CYP2C8: variants seen among roughly 807,000 people sequenced by gnomAD.
The protein encoded by CYP2C8 is cytochrome P450 family 2 subfamily C member 8.
CYP2C8 carries 51 observed loss-of-function variants against 41.3 expected under a neutral mutation model. The observed-to-expected ratio is 1.24, with a 90% CI of 0.99 to 1.56. The LOEUF (loss-of-function observed/expected upper bound fraction) is 1.56. Ranked by LOEUF, CYP2C8 falls within the 40% of genes most tolerant of loss-of-function variation. The pLI, the probability that CYP2C8 is intolerant of heterozygous loss-of-function variation, is 0.00. For synonymous variants in CYP2C8, 218 were observed against 205.8 expected (o/e 1.06, Z -0.51); for missense variants, 651 against 579.9 (o/e 1.12, Z -1.26).
At chr10:95,060,170 A>C in intron 4 of CYP2C8, among the ~76,000 whole-genome samples, 1 of 124,914 alleles carries the variant, frequency 8.0e-6, no homozygotes, top group Non-Finnish European at 1.7e-5. Flanking sequence ...GTTTTTTCCA[A>C]TTCTGTGAAG....
rs1416881603 is a variant in CYP2C8 at position 95,067,670 on chromosome 10, C to T, written c.190G>A (p.Val64Met). Residue 64 changes from valine to methionine, a missense_variant, in exon 2 of 9, where the codon GTG becomes ATG. Physicochemically the swap from Val to Met is conservative, Grantham distance 21. Transcript: ENST00000371270. ...TTCATGCCAAAATACACGGTGAACA[C>T]AGGACCATAGACTTTTGAGAACTGG... ...FTNFSKVYGP[V>M]FTVYFGMNPI... 6.2e-7 allele frequency: 1 copy of T among 1,614,148 alleles called. No homozygotes were observed. Among genetic ancestry groups the T allele is most frequent in the Middle Eastern group, 1.6e-4 (1 of 6,062 alleles).
At chr10:95,067,142 T>A in intron 3 of CYP2C8, 66 bp downstream of exon 3, 3 of 1,611,506 alleles carry the variant, frequency 1.9e-6, no homozygotes, top group East Asian at 2.2e-5. Context: ...CTGAAATGTT[T>A]CCAAGGACGT....
At chr10:95,049,428 T>C (rs952011084) in intron 5 of CYP2C8, among the ~76,000 whole-genome samples, 5 of 152,000 alleles carry the variant, frequency 3.3e-5, no homozygotes, top group South Asian at 4.1e-4. Flanking sequence ...GTTCAGAGAG[T>C]ATTTCTGAGT....
intron 5 of CYP2C8, among the ~76,000 whole-genome samples, chr10:95,049,955 T>C (rs2033185411): frequency 6.8e-6 from 1 of 147,836 alleles, no homozygotes. Flanking sequence ...CAGGTAAGAC[T>C]CAACACATTC....
chr10:95,061,477 C>T (rs984423530), intron 4 of CYP2C8, among the ~76,000 whole-genome samples: 31 of 152,232 alleles, frequency 2.0e-4, no homozygotes, highest in Admixed American at 3.9e-4. Flanking sequence ...TCTGTGGGAT[C>T]GGTTGTGATA....
intron 8 of CYP2C8, 42 bp from the exon 9 acceptor site, chr10:95,037,351 A>C (rs1447159199): frequency 6.4e-7 from 1 of 1,565,308 alleles, no homozygotes; most frequent in South Asian, 1.1e-5. Flanking sequence ...CCTTGTGTTT[A>C]ACTGTGACTG....
intron 5 of CYP2C8, among the ~76,000 whole-genome samples, chr10:95,050,699 T>C (rs1032594711): frequency 1.3e-4 from 20 of 152,198 alleles, no homozygotes; most frequent in African/African-American, 4.8e-4. Flanking sequence ...CAAGAACCAC[T>C]GCATTATTGG....
intron 1 of CYP2C8, among the ~76,000 whole-genome samples, 153 bp from the exon 2 acceptor site, chr10:95,067,844 G>T (rs1387270134): frequency 6.6e-6 from 1 of 152,154 alleles, no homozygotes; most frequent in African/African-American, 2.4e-5. Flanking sequence ...AAATGTGATG[G>T]TGATTGTTAT....
intron 1 of CYP2C8, chr10:95,068,434 C>A (rs1257166786): frequency 2.4e-6 from 1 of 415,784 alleles, no homozygotes; most frequent in East Asian, 7.2e-5. Context: ...TTACTTCTTT[C>A]TTTCATGCAC....
At chr10:95,058,075 C>A (rs1298803942) in intron 5 of CYP2C8, among the ~76,000 whole-genome samples, 2 of 152,024 alleles carry the variant, frequency 1.3e-5, no homozygotes, top group African/African-American at 4.8e-5. Flanking sequence ...TAATTGTTTC[C>A]ATTTGACTGC....
chr10:95,060,484 C>T (rs573994397), intron 4 of CYP2C8, among the ~76,000 whole-genome samples: 6 of 152,140 alleles, frequency 3.9e-5, no homozygotes, highest in Non-Finnish European at 8.8e-5. Flanking sequence ...GATTTTTGCA[C>T]ATTGATTTTG....
At chr10:95,037,388 C>G (rs939114328) in intron 8 of CYP2C8, 79 bp from the exon 9 acceptor site, 2 of 1,243,694 alleles carry the variant, frequency 1.6e-6, no homozygotes, top group Non-Finnish European at 2.3e-6. Flanking sequence ...GTGACTTGCA[C>G]AAACAGAATA....
intron 6 of CYP2C8, among the ~76,000 whole-genome samples, chr10:95,044,162 TTA>T (rs1291021084): frequency 6.6e-6 from 1 of 152,158 alleles, no homozygotes; most frequent in Non-Finnish European, 1.5e-5. Flanking sequence ...CTGGCACCCA[TTA>T]TTTCTTCTGA....
chr10:95,064,505 C>T (rs2134437894), intron 4 of CYP2C8, among the ~76,000 whole-genome samples: 1 of 152,234 alleles, frequency 6.6e-6, no homozygotes, highest in South Asian at 2.1e-4. Context: ...GGGAGTGACC[C>T]AATTTTCCAG....
At chr10:95,064,681 C>T (rs755246425) in intron 4 of CYP2C8, 119 bp downstream of exon 4, 39 of 999,938 alleles carry the variant, frequency 3.9e-5, no homozygotes, top group Non-Finnish European at 5.4e-5. Context: ...ATTTTCTTCA[C>T]TCATACATCA....
intron 5 of CYP2C8, 37 bp from the exon 6 acceptor site, chr10:95,045,988 G>T (rs1293813317): frequency 6.2e-7 from 1 of 1,610,836 alleles, no homozygotes; most frequent in Non-Finnish European, 8.5e-7. Flanking sequence ...GACAAATTAT[G>T]TGCCAGTATA....
chr10:95,039,354 G>T, intron 7 of CYP2C8: 1 of 349,848 alleles, frequency 2.9e-6, no homozygotes, highest in South Asian at 2.8e-5. Context: ...GACACATCTT[G>T]TATTTTGATT....
intron 5 of CYP2C8, among the ~76,000 whole-genome samples, chr10:95,052,761 C>T (rs1424859796): frequency 6.6e-6 from 1 of 151,696 alleles, no homozygotes; most frequent in Non-Finnish European, 1.5e-5. Flanking sequence ...TGGTAAAAGC[C>T]CTAAAAAAAA....
intron 5 of CYP2C8, among the ~76,000 whole-genome samples, chr10:95,057,295 G>A (rs780840654): frequency 6.6e-6 from 1 of 152,012 alleles, no homozygotes; most frequent in South Asian, 2.1e-4. Flanking sequence ...GCACAGTATT[G>A]TAATTAAACA....
Sources: allele counts gnomAD v4.1 joint callset (sites outside exome capture counted in the v4.1 genomes callset), GRCh38; gene constraint gnomAD v4.1.1; transcripts MANE v1.5; gene names NCBI Gene and HGNC (gene_info 2026-07-23, HGNC 2026-07-21).